The following ENPP6 variants were observed in gnomAD, a reference collection of about 807,000 sequenced individuals.
The protein encoded by ENPP6 is glycerophosphocholine cholinephosphodiesterase ENPP6.
A neutral mutation model predicts 42.0 loss-of-function variants in ENPP6; 32 were observed. That is an observed-to-expected ratio of 0.76 (90% CI 0.58 to 1.02). The LOEUF (loss-of-function observed/expected upper bound fraction) is 1.02, where lower values mean the gene tolerates loss of function less well. ENPP6 is among the 50% of genes least tolerant of loss of function. The pLI, the probability that ENPP6 is intolerant of heterozygous loss-of-function variation, is 0.00. For missense variants in ENPP6, 552 were observed against 566.8 expected (o/e 0.97, Z 0.27); for synonymous variants, 213 against 216.0 (o/e 0.99, Z 0.12).
chr4:184,202,576 A>T (rs1732920944), intron 1 of ENPP6, among the ~76,000 whole-genome samples: 1 of 152,130 alleles, frequency 6.6e-6, no homozygotes, highest in African/African-American at 2.4e-5. Flanking sequence ...TTCTGACCTG[A>T]CCACGCTCAC....
chr4:184,217,745 C>T lies in ENPP6; in HGVS notation c.75G>A (p.Lys25=), dbSNP rs1476684684. The change falls in exon 1 of 8, where the codon AAG becomes AAA. Residue 25 remains lysine (K), a synonymous_variant. Coordinates refer to ENST00000296741, the MANE Select transcript of ENPP6 (RefSeq NM_153343.4). ...AACCATCCAGCAGAAACACCAGCAGCTTCCGGCGGGCAGAGGCTGGCTGGG... is the reference window on the plus strand; with the variant it reads ...AACCATCCAGCAGAAACACCAGCAGTTTCCGGCGGGCAGAGGCTGGCTGGG... ...GLAQPASARR[K]LLVFLLDGFR... 6.2e-7 allele frequency: 1 copy of T among 1,614,088 alleles called. No individual in the cohort carries two copies. Among genetic ancestry groups the T allele is most frequent in the Non-Finnish European group, 8.5e-7 (1 of 1,180,048 alleles).
intron 6 of ENPP6, among the ~76,000 whole-genome samples, chr4:184,098,131 G>A (rs886837169): frequency 3.9e-5 from 6 of 152,356 alleles, no homozygotes; most frequent in Non-Finnish European, 7.3e-5. Context: ...AATATAGTGT[G>A]CTTTCCTGAG....
chr4:184,185,755 G>A (rs1441738334), intron 1 of ENPP6, among the ~76,000 whole-genome samples: 4 of 152,084 alleles, frequency 2.6e-5, no homozygotes, highest in Non-Finnish European at 5.9e-5. Context: ...AAAACAAAAA[G>A]GCAAAACAAT....
At chr4:184,104,183 A>T (rs1214685105) in intron 6 of ENPP6, among the ~76,000 whole-genome samples, 2 of 152,090 alleles carry the variant, frequency 1.3e-5, no homozygotes, top group African/African-American at 4.8e-5. Flanking sequence ...ACAATACCAC[A>T]CTAGCTGTCA....
intron 1 of ENPP6, among the ~76,000 whole-genome samples, chr4:184,181,161 A>G (rs10030672): frequency 0.8 from 121,129 of 152,178 alleles, 51,572 homozygotes; most frequent in East Asian, 1. Flanking sequence ...CTTCAGCAAA[A>G]TCTCAGGATA....
intron 2 of ENPP6, among the ~76,000 whole-genome samples, chr4:184,148,925 A>C (rs535443102): frequency 3.3e-5 from 5 of 152,356 alleles, no homozygotes; most frequent in East Asian, 3.9e-4. Context: ...ATGTGGATGC[A>C]TTCTTCTGGA....
intron 3 of ENPP6, among the ~76,000 whole-genome samples, chr4:184,121,841 A>T (rs1345714153): frequency 1.3e-5 from 2 of 152,244 alleles, no homozygotes; most frequent in Non-Finnish European, 2.9e-5. Flanking sequence ...CTTTCAAAGA[A>T]AAATGTTGAC....
At chr4:184,144,395 C>T (rs1256642678) in intron 2 of ENPP6, among the ~76,000 whole-genome samples, 2 of 152,170 alleles carry the variant, frequency 1.3e-5, no homozygotes, top group African/African-American at 4.8e-5. Context: ...GGTCCCAGTG[C>T]AGGGACCTCG....
At chr4:184,112,521 C>T in intron 6 of ENPP6, 151 bp downstream of exon 6, 5 of 1,017,352 alleles carry the variant, frequency 4.9e-6, no homozygotes, top group Non-Finnish European at 6.9e-6. Flanking sequence ...CCGATCAAGA[C>T]TTTTGATTCT....
At chr4:184,187,385 A>G (rs947796364) in intron 1 of ENPP6, among the ~76,000 whole-genome samples, 1 of 152,222 alleles carries the variant, frequency 6.6e-6, no homozygotes, top group African/African-American at 2.4e-5. Context: ...AGATCTGGGC[A>G]GTACTGCGTG....
chr4:184,094,105 A>G (rs542269368), intron 7 of ENPP6, among the ~76,000 whole-genome samples: 1 of 152,020 alleles, frequency 6.6e-6, no homozygotes, highest in Non-Finnish European at 1.5e-5. Flanking sequence ...ATATGGCAAG[A>G]CCTCAACTCT....
chr4:184,189,344 A>G (rs933650259), intron 1 of ENPP6, among the ~76,000 whole-genome samples: 3 of 152,178 alleles, frequency 2.0e-5, no homozygotes, highest in Non-Finnish European at 4.4e-5. Flanking sequence ...TTTCAACAGA[A>G]ATTCCTGGCC....
At chr4:184,154,268 G>C (rs148268041) in intron 1 of ENPP6, among the ~76,000 whole-genome samples, 2 of 152,206 alleles carry the variant, frequency 1.3e-5, no homozygotes, top group Non-Finnish European at 2.9e-5. Flanking sequence ...GAAAAACAAA[G>C]CAGGAAAACA....
chr4:184,122,404 ACACCACCACCACCAC>A (rs57184304), intron 3 of ENPP6, among the ~76,000 whole-genome samples: 6 of 140,882 alleles, frequency 4.3e-5, no homozygotes, highest in South Asian at 4.8e-4. Flanking sequence ...ACACACTCAT[ACACCACCACCACCAC>A]CACCACCACC....
At chr4:184,183,392 T>C (rs1306748415) in intron 1 of ENPP6, among the ~76,000 whole-genome samples, 1 of 152,238 alleles carries the variant, frequency 6.6e-6, no homozygotes, top group Admixed American at 6.5e-5. Context: ...TTGACAGGTA[T>C]GTTAAGAACA....
intron 6 of ENPP6, among the ~76,000 whole-genome samples, chr4:184,108,093 A>G (rs1254996463): frequency 1.3e-5 from 2 of 152,152 alleles, no homozygotes; most frequent in African/African-American, 4.8e-5. Context: ...GGGCATTTTT[A>G]CCAAGGAAAC....
intron 6 of ENPP6, among the ~76,000 whole-genome samples, chr4:184,110,945 T>C (rs1560980881): frequency 6.6e-6 from 1 of 152,172 alleles, no homozygotes; most frequent in Non-Finnish European, 1.5e-5. Flanking sequence ...GCTGCTGAGA[T>C]ACCATGTTTA....
In ENPP6 at chr4:184,215,960, C is replaced by T. The variant is rs1165262980; in HGVS notation, c.241+1619G>A. On this transcript the variant is annotated intron_variant, in intron 1 of 7. Coordinates refer to ENST00000296741, the MANE Select transcript of ENPP6 (RefSeq NM_153343.4). ...AGTGTGGATCTGACAAACAAAAGGC[C>T]ATGTCATTGGCTTAGTGTCTCTGTG... Among the ~76,000 whole-genome samples the T allele has an allele frequency of 2.0e-5, 3 of 151,756 alleles. No homozygotes were observed. In the East Asian group the frequency reaches 5.8e-4, roughly 29 times the overall value.
At chr4:184,118,051 A>G (rs1371005867) in intron 3 of ENPP6, 151 bp from the exon 4 acceptor site, 4 of 966,272 alleles carry the variant, frequency 4.1e-6, no homozygotes, top group South Asian at 3.8e-5. Context: ...AAATGAGGTC[A>G]GATCTCCAAG....
Sources: allele counts gnomAD v4.1 joint callset (sites outside exome capture counted in the v4.1 genomes callset), GRCh38; gene constraint gnomAD v4.1.1; transcripts MANE v1.5; gene names NCBI Gene and HGNC (gene_info 2026-07-23, HGNC 2026-07-21).